The following DIAPH3 variants were observed in gnomAD, a reference collection of about 807,000 sequenced individuals.
DIAPH3 encodes the protein protein diaphanous homolog 3.
DIAPH3 carries 117 observed loss-of-function variants against 144.3 expected under a neutral mutation model. The ratio of observed to expected loss-of-function variants is 0.81; its 90% CI spans 0.70 to 0.95. DIAPH3 has a LOEUF of 0.95. DIAPH3 is among the 40% of genes least tolerant of loss of function. The pLI is 0.00. For synonymous variants in DIAPH3, 519 were observed against 488.9 expected, an observed-to-expected ratio of 1.06 and a Z score of -0.81; for missense variants, 1,421 against 1,412.7, an observed-to-expected ratio of 1.01 and a Z score of -0.09.
At chr13:59,732,190 T>C (rs1027288350) in intron 27 of DIAPH3, among the ~76,000 whole-genome samples, 1 of 152,072 alleles carries the variant, frequency 6.6e-6, no homozygotes, top group African/African-American at 2.4e-5. Context: ...AAAAAGTTTA[T>C]TGTTTTCCAT....
chr13:60,020,075 C>T (rs1335354827), intron 5 of DIAPH3, among the ~76,000 whole-genome samples: 1 of 152,116 alleles, frequency 6.6e-6, no homozygotes, highest in Non-Finnish European at 1.5e-5. Context: ...ATGCATACTC[C>T]TTGAGTATAG....
In DIAPH3 at chr13:60,163,882, C is replaced by A; in HGVS notation, c.-116G>T. ...CGGGGTCCGCCACCCAAACAGTCAG[C>A]ACAGCCTAGCCCAACCGCTGAAGTC... On this transcript the variant is annotated 5_prime_UTR_variant, in exon 1 of 28. Transcript: ENST00000400324. 1 of 1,346,692 alleles carries A rather than the reference C, an allele frequency of 7.4e-7. No homozygotes were observed. Among genetic ancestry groups the A allele is most frequent in the Non-Finnish European group, 1.0e-6 (1 of 994,172 alleles). The allele number at this position is 1,346,692 out of a possible 1,614,324, so 83.4% of individuals were successfully genotyped here.
chr13:60,082,155 A>G (rs938364354), intron 4 of DIAPH3, among the ~76,000 whole-genome samples: 1 of 152,022 alleles, frequency 6.6e-6, no homozygotes, highest in Non-Finnish European at 1.5e-5. Flanking sequence ...AGAAAAAAAT[A>G]GAAATAAAAA....
intron 15 of DIAPH3, among the ~76,000 whole-genome samples, chr13:59,971,503 G>C (rs2050375516): frequency 6.6e-6 from 1 of 152,136 alleles, no homozygotes; most frequent in Admixed American, 6.5e-5. Flanking sequence ...AGCCAGGGAA[G>C]CAGAGAAGTT....
At chr13:60,105,609 C>A (rs2058394883) in intron 3 of DIAPH3, among the ~76,000 whole-genome samples, 1 of 152,132 alleles carries the variant, frequency 6.6e-6, no homozygotes, top group African/African-American at 2.4e-5. Context: ...TTTTAAACCA[C>A]CTTTCCCTGA....
chr13:59,752,722 C>A (rs1023755581), intron 27 of DIAPH3, among the ~76,000 whole-genome samples: 1 of 152,028 alleles, frequency 6.6e-6, no homozygotes, highest in African/African-American at 2.4e-5. Context: ...AGTACAAATT[C>A]TATAATGGGA....
chr13:59,731,258 A>G (rs1011034131), intron 27 of DIAPH3, among the ~76,000 whole-genome samples: 2 of 152,234 alleles, frequency 1.3e-5, no homozygotes, highest in African/African-American at 4.8e-5. Context: ...AGAGCAACCC[A>G]GCATCTAAAA....
intron 17 of DIAPH3, among the ~76,000 whole-genome samples, chr13:59,943,231 T>C (rs1250048729): frequency 1.3e-5 from 2 of 152,190 alleles, no homozygotes; most frequent in African/African-American, 2.4e-5. Context: ...CAAAGAATTG[T>C]AGAATGTTAA....
chr13:60,039,340 A>G (rs371731737), intron 5 of DIAPH3, among the ~76,000 whole-genome samples: 29 of 149,994 alleles, frequency 1.9e-4, no homozygotes, highest in African/African-American at 5.9e-4. Flanking sequence ...GTCTCACTCT[A>G]TTGTCCAGGC....
intron 20 of DIAPH3, among the ~76,000 whole-genome samples, chr13:59,883,475 T>C (rs1384135206): frequency 2.0e-5 from 3 of 152,178 alleles, no homozygotes; most frequent in Non-Finnish European, 4.4e-5. Flanking sequence ...CTGAAGTTAT[T>C]ATGAAACTTC....
intron 20 of DIAPH3, among the ~76,000 whole-genome samples, chr13:59,893,095 G>A (rs1220360400): frequency 6.6e-6 from 1 of 152,048 alleles, no homozygotes; most frequent in African/African-American, 2.4e-5. Context: ...TGAAGCACAG[G>A]TCCTGAAACA....
intron 9 of DIAPH3, among the ~76,000 whole-genome samples, chr13:60,001,403 G>C (rs770025909): frequency 4.6e-5 from 7 of 152,186 alleles, no homozygotes; most frequent in Non-Finnish European, 8.8e-5. Flanking sequence ...TCATTCTGTG[G>C]AGTGGGTGAA....
At chr13:60,111,137 G>A (rs1371459566) in intron 3 of DIAPH3, among the ~76,000 whole-genome samples, 1 of 152,028 alleles carries the variant, frequency 6.6e-6, no homozygotes, top group African/African-American at 2.4e-5. Context: ...TATAGTGCAC[G>A]GATGGGAGAA....
At chr13:60,108,611 A>C (rs2058484623) in intron 3 of DIAPH3, among the ~76,000 whole-genome samples, 1 of 152,146 alleles carries the variant, frequency 6.6e-6, no homozygotes, top group Non-Finnish European at 1.5e-5. Flanking sequence ...GTCTCGAAAA[A>C]AAAATAAAAA....
chr13:59,779,988 C>G (rs554359728), intron 25 of DIAPH3, among the ~76,000 whole-genome samples: 1 of 152,204 alleles, frequency 6.6e-6, no homozygotes, highest in African/African-American at 2.4e-5. Flanking sequence ...GAACATTCAA[C>G]CAACACATGT....
At chr13:60,010,253 A>G (rs2053153282) in intron 8 of DIAPH3, among the ~76,000 whole-genome samples, 1 of 152,008 alleles carries the variant, frequency 6.6e-6, no homozygotes, top group Admixed American at 6.6e-5. Context: ...TCCATTTAGA[A>G]TTTTTTTTAA....
chr13:59,834,637 C>T (rs1199574595), intron 23 of DIAPH3, among the ~76,000 whole-genome samples: 1 of 151,586 alleles, frequency 6.6e-6, no homozygotes, highest in Non-Finnish European at 1.5e-5. Context: ...TGAAAGAATT[C>T]TAATTCTTCA....
chr13:59,814,017 A>T (rs186965507), intron 24 of DIAPH3, among the ~76,000 whole-genome samples: 212 of 152,246 alleles, frequency 1.4e-3, no homozygotes, highest in African/African-American at 4.8e-3. Flanking sequence ...AGAGAAAGGA[A>T]AAGCAAATAT....
At chr13:59,811,680 T>C (rs1471665668) in intron 24 of DIAPH3, among the ~76,000 whole-genome samples, 1 of 136,722 alleles carries the variant, frequency 7.3e-6, no homozygotes, top group Non-Finnish European at 1.5e-5. Flanking sequence ...GAGCTTGCAG[T>C]GAGCCGAGAT....
Sources: allele counts gnomAD v4.1 joint callset (sites outside exome capture counted in the v4.1 genomes callset), GRCh38; gene constraint gnomAD v4.1.1; transcripts MANE v1.5; gene names NCBI Gene and HGNC (gene_info 2026-07-23, HGNC 2026-07-21).